Variants in AREG observed in about 807,000 individuals in gnomAD.
AREG encodes amphiregulin.
Under a neutral mutation model 28.0 loss-of-function variants are expected in AREG, and 16 were observed. That is an observed-to-expected ratio of 0.57 (90% CI 0.39 to 0.87). The LOEUF (loss-of-function observed/expected upper bound fraction) is 0.87. Among genes scored for constraint, AREG ranks in the 40% least tolerant of loss-of-function variants. The pLI is 0.00. For missense variants in AREG, 287 were observed against 309.1 expected, an observed-to-expected ratio of 0.93 and a Z score of 0.53; for synonymous variants, 113 against 113.5, an observed-to-expected ratio of 1.00 and a Z score of 0.02.
At position 74,452,633 on chromosome 4, in the gene AREG, C is replaced by T; in HGVS notation, c.755C>T (p.Ala252Val). Residue 252 changes from alanine (A) to valine (V), a missense_variant, in exon 5 of 6, where the codon GCA (alanine) becomes GTA (valine). Transcript: ENST00000395748. The stretch of plus-strand genomic sequence containing the variant: ...GAGAATGGAAATGTACATGCTATAG[C>T]ATAACTGAAGATAAAATTACAGGTT... ...RQENGNVHAI[A>V] The T allele has an allele frequency of 4.3e-6, 7 of 1,613,106 alleles. No homozygotes were observed. The highest frequency in any genetic ancestry group is 5.9e-6 in the Non-Finnish European group (7 of 1,179,532).
At chr4:74,446,875 T>C (rs1719299946) in intron 2 of AREG, 93 bp downstream of exon 2, 1 of 1,593,010 alleles carries the variant, frequency 6.3e-7, no homozygotes, top group African/African-American at 1.5e-5. Context: ...CCAGATTTTC[T>C]AGTGGCTTTA....
chr4:74,445,514 CTGCGCCGCAGGAGGTGA>C, intron 1 of AREG, 108 bp downstream of exon 1: 1 of 1,536,240 alleles, frequency 6.5e-7, no homozygotes, highest in Non-Finnish European at 8.8e-7. Context: ...TCCCCCGACC[CTGCGCCGCAGGAGGTGA>C]TCACTGTAGC....
rs943838054 is a variant in AREG at position 74,450,676 on chromosome 4, A to G, written c.665+144A>G. 146 of 1,272,792 alleles carry G rather than the reference A, an allele frequency of 1.1e-4. 1 individual carries two copies. The East Asian group carries it at 2.1e-3, about 18-fold the overall frequency. 78.8% of individuals were successfully genotyped at this position (1,272,792 alleles called of 1,614,324 possible). Reference sequence around the variant, plus strand: ...TGGTTTATATTTTTATATTTTATTGACAAATATCACAGAAAGTGGTCAATG... The same window carrying G: ...TGGTTTATATTTTTATATTTTATTGGCAAATATCACAGAAAGTGGTCAATG... On this transcript the variant is annotated intron_variant, in intron 4 of 5. Transcript: ENST00000395748.
intron 5 of AREG, among the ~76,000 whole-genome samples, chr4:74,453,880 A>G (rs1719419100): frequency 6.6e-6 from 1 of 151,396 alleles, no homozygotes; most frequent in Non-Finnish European, 1.5e-5. Flanking sequence ...AGATCGCGCC[A>G]TTGCACTCCA....
At chr4:74,445,449 G>T in intron 1 of AREG, 43 bp downstream of exon 1, 7 of 1,586,550 alleles carry the variant, frequency 4.4e-6, no homozygotes, top group Non-Finnish European at 6.0e-6. Context: ...CTCCTCCCAT[G>T]GCAGGTTTTG....
Position 74,454,807 on chromosome 4 carries a change from G to A in AREG, c.*67G>A, listed in dbSNP as rs958153476. ...AAGTCATAGCCATAAATGATGAGTC[G>A]GTCCTCTTTCCAGTGGATCATAAGA... is the stretch of plus-strand genomic sequence containing the variant. On this transcript the variant is annotated 3_prime_UTR_variant, in exon 6 of 6. Coordinates refer to ENST00000395748, the MANE Select transcript of AREG (RefSeq NM_001657.4). The A allele has an allele frequency of 3.6e-5, 25 of 699,724 alleles. No individual in the cohort carries two copies. Among genetic ancestry groups the A allele is most frequent in the South Asian group, 7.4e-5 (5 of 67,274 alleles). 43.3% of individuals were successfully genotyped at this position (699,724 alleles called of 1,614,324 possible). A position where few individuals can be genotyped will look rare whatever the true frequency, so the allele number is the denominator to read the frequency against.
intron 1 of AREG, 129 bp downstream of exon 1, chr4:74,445,535 C>A: frequency 6.7e-7 from 1 of 1,496,606 alleles, no homozygotes; most frequent in East Asian, 2.5e-5. Flanking sequence ...GAGGTGATCA[C>A]TGTAGCTCCC....
chr4:74,448,945 G>C (rs966440308), intron 2 of AREG, 102 bp from the exon 3 acceptor site: 2 of 1,509,002 alleles, frequency 1.3e-6, no homozygotes, highest in Admixed American at 1.9e-5. Flanking sequence ...ACGCATGGCT[G>C]TTACCCCTGT....
intron 3 of AREG, 55 bp from the exon 4 acceptor site, chr4:74,450,325 T>G: frequency 6.2e-7 from 1 of 1,613,592 alleles, no homozygotes; most frequent in Non-Finnish European, 8.5e-7. Flanking sequence ...AGAATAAGCT[T>G]AAAACACACC....
chr4:74,445,184 C>G lies in AREG; in HGVS notation c.-162C>G. 1 of 1,462,356 alleles carries G rather than the reference C, an allele frequency of 6.8e-7. No individual in the cohort carries two copies. The allele number at this position is 1,462,356 out of a possible 1,614,324, so 90.6% of individuals were successfully genotyped here. On this transcript the variant is annotated 5_prime_UTR_variant, in exon 1 of 6. Coordinates refer to ENST00000395748, the MANE Select transcript of AREG (RefSeq NM_001657.4). ...AGCGCCCCAGAGGTCCCGGGACAGC[C>G]CGAGGCGCCGCGCCCGCCGCCCCGA...
Position 74,450,015 on chromosome 4 carries a change from C to T in AREG, c.513-365C>T, listed in dbSNP as rs965100674. On this transcript the variant is annotated intron_variant, in intron 3 of 5. Transcript: ENST00000395748. ...AAAAAGGACCTAAAGGTAATTTTTG[C>T]ATAATCTTTCACATTGTTTTAACCT... Among the ~76,000 whole-genome samples, 227 of 151,044 alleles carry T rather than the reference C, an allele frequency of 1.5e-3. 5 individuals carry two copies. The South Asian group carries it at 0.044, about 29-fold the overall frequency.
At chr4:74,450,594 T>A in intron 4 of AREG, 62 bp downstream of exon 4, 1 of 1,597,494 alleles carries the variant, frequency 6.3e-7, no homozygotes, top group Admixed American at 1.7e-5. Context: ...TTTTCAGTAT[T>A]TCTCTCATAC....
At chr4:74,451,758 A>G (rs1447729967) in intron 4 of AREG, among the ~76,000 whole-genome samples, 1 of 137,556 alleles carries the variant, frequency 7.3e-6, no homozygotes, top group Admixed American at 7.4e-5. Context: ...TAATTATTTG[A>G]CTTGAAATAT....
chr4:74,452,579 A>G lies in AREG; in HGVS notation c.701A>G (p.Glu234Gly). 1 of 1,613,544 alleles carries G rather than the reference A, an allele frequency of 6.2e-7. No individual in the cohort carries two copies. The highest frequency in any genetic ancestry group is 8.5e-7 in the Non-Finnish European group (1 of 1,179,672). ...RRQYVRKYEG[E>G]AEERKKLRQE... ...CAATACGTCAGGAAATATGAAGGAG[A>G]AGCTGAGGAACGAAAGAAACTTCGA... The change falls in exon 5 of 6, where the codon GAA becomes GGA. Residue 234 changes from glutamate to glycine, a missense_variant. Glu to Gly is a moderately conservative substitution (Grantham distance 98). Coordinates refer to ENST00000395748, the MANE Select transcript of AREG (RefSeq NM_001657.4).
chr4:74,454,806 C>T lies in AREG; in HGVS notation c.*66C>T, dbSNP rs1451002995. ...CAAGTCATAGCCATAAATGATGAGT[C>T]GGTCCTCTTTCCAGTGGATCATAAG... On this transcript the variant is annotated 3_prime_UTR_variant, in exon 6 of 6. Transcript: ENST00000395748. The T allele has an allele frequency of 1.3e-5, 9 of 699,976 alleles. No individual in the cohort carries two copies. Among genetic ancestry groups the T allele is most frequent in the Admixed American group, 8.0e-5 (4 of 49,932 alleles). The allele number at this position is 699,976 out of a possible 1,614,324, so 43.4% of individuals were successfully genotyped here.
At chr4:74,453,920 TAAAAAAA>T (rs530764462) in intron 5 of AREG, among the ~76,000 whole-genome samples, 1 of 123,344 alleles carries the variant, frequency 8.1e-6, no homozygotes, top group Non-Finnish European at 1.8e-5. Flanking sequence ...AACTCCATCT[TAAAAAAA>T]AAAAAAAAAA....
At chr4:74,454,725 T>C (rs754621186) in intron 5 of AREG, 34 bp from the exon 6 acceptor site, 5 of 663,926 alleles carry the variant, frequency 7.5e-6, no homozygotes, top group South Asian at 5.2e-5. Flanking sequence ...TTTTGTTTTA[T>C]TTTATTATTT....
At chr4:74,452,373 C>T (rs1269918165) in intron 4 of AREG, among the ~76,000 whole-genome samples, 171 bp from the exon 5 acceptor site, 5 of 151,856 alleles carry the variant, frequency 3.3e-5, no homozygotes, top group Non-Finnish European at 5.9e-5. Context: ...ACATAAATAC[C>T]CCCTTAGAAA....
intron 4 of AREG, among the ~76,000 whole-genome samples, chr4:74,451,551 TTCA>T (rs1719382151): frequency 6.6e-6 from 1 of 152,212 alleles, no homozygotes; most frequent in South Asian, 2.1e-4. Flanking sequence ...TAAAAATTGT[TTCA>T]TCATGCATAT....
Sources: allele counts gnomAD v4.1 joint callset (sites outside exome capture counted in the v4.1 genomes callset), GRCh38; gene constraint gnomAD v4.1.1; transcripts MANE v1.5; gene names NCBI Gene and HGNC (gene_info 2026-07-23, HGNC 2026-07-21).